The following PLEKHA5 variants were observed in gnomAD, a reference collection of about 807,000 sequenced individuals.
The protein encoded by PLEKHA5 is pleckstrin homology domain-containing family A member 5.
A neutral mutation model predicts 181.9 loss-of-function variants in PLEKHA5; 55 were observed. The observed-to-expected ratio is 0.30, with a 90% CI of 0.24 to 0.38. The LOEUF (loss-of-function observed/expected upper bound fraction) is 0.38, where lower values mean the gene tolerates loss of function less well. PLEKHA5 is among the 10% of genes least tolerant of loss of function. The probability of loss-of-function intolerance (pLI) is 1.00; values close to 1 mark genes in which losing one functional copy is unlikely to be tolerated. For missense variants in PLEKHA5, 1,432 were observed against 1,549.5 expected (o/e 0.92, Z 1.27); for synonymous variants, 535 against 529.4 (o/e 1.01, Z -0.15).
At chr12:19,360,470 A>G (rs1366483434) in intron 28 of PLEKHA5, among the ~76,000 whole-genome samples, 1 of 151,800 alleles carries the variant, frequency 6.6e-6, no homozygotes, top group African/African-American at 2.4e-5. Context: ...AGCCAGGCAC[A>G]GTGACACATG....
At chr12:19,253,106 G>C (rs1226472296) in intron 3 of PLEKHA5, among the ~76,000 whole-genome samples, 1 of 58,926 alleles carries the variant, frequency 1.7e-5, no homozygotes, top group Non-Finnish European at 4.2e-5. Flanking sequence ...ACAGAGGCTT[G>C]CTCTGTTGCC....
At chr12:19,171,740 T>A (rs2045939167) in intron 3 of PLEKHA5, among the ~76,000 whole-genome samples, 2 of 152,222 alleles carry the variant, frequency 1.3e-5, no homozygotes, top group Non-Finnish European at 2.9e-5. Context: ...ACAAACACGT[T>A]GCACAACTAC....
intron 3 of PLEKHA5, among the ~76,000 whole-genome samples, chr12:19,216,108 T>C (rs1281690561): frequency 6.6e-6 from 1 of 152,210 alleles, no homozygotes; most frequent in African/African-American, 2.4e-5. Context: ...GTTACCATGC[T>C]GTCAGAAAGA....
At chr12:19,194,312 T>G (rs1341132398) in intron 3 of PLEKHA5, among the ~76,000 whole-genome samples, 1 of 152,230 alleles carries the variant, frequency 6.6e-6, no homozygotes, top group Non-Finnish European at 1.5e-5. Context: ...TATTCCACTG[T>G]GTATATGCAC....
At chr12:19,336,463 A>C in intron 20 of PLEKHA5, 52 bp from the exon 21 acceptor site, 1 of 922,188 alleles carries the variant, frequency 1.1e-6, no homozygotes, top group Non-Finnish European at 1.8e-6. Context: ...GAGTGATAAC[A>C]CCATAAAAGC....
At chr12:19,187,563 G>A (rs888259216) in intron 3 of PLEKHA5, among the ~76,000 whole-genome samples, 1 of 152,154 alleles carries the variant, frequency 6.6e-6, no homozygotes, top group Non-Finnish European at 1.5e-5. Context: ...GCAAGAGAAA[G>A]CAAAGAGAAG....
intron 22 of PLEKHA5, among the ~76,000 whole-genome samples, chr12:19,344,494 A>T (rs2094175006): frequency 6.6e-6 from 1 of 152,208 alleles, no homozygotes; most frequent in South Asian, 2.1e-4. Flanking sequence ...TTGATGGATA[A>T]TGTATGTTGT....
chr12:19,301,683 A>G (rs531325450), intron 15 of PLEKHA5, among the ~76,000 whole-genome samples: 2 of 152,358 alleles, frequency 1.3e-5, no homozygotes, highest in Admixed American at 6.5e-5. Context: ...GTTGATTCTT[A>G]TGACTATATA....
intron 11 of PLEKHA5, among the ~76,000 whole-genome samples, chr12:19,281,018 A>C (rs547507133): frequency 6.6e-6 from 1 of 152,206 alleles, no homozygotes; most frequent in South Asian, 2.1e-4. Context: ...GCCTAATCTT[A>C]CTTTTTCTAA....
intron 4 of PLEKHA5, 79 bp from the exon 5 acceptor site, chr12:19,254,966 A>G (rs2066456105): frequency 8.0e-7 from 1 of 1,242,950 alleles, no homozygotes; most frequent in South Asian, 1.9e-5. Context: ...GGACACTCGC[A>G]TTGTTAACTG....
In PLEKHA5 at chr12:19,255,141, G is replaced by A. The variant is rs537006767; in HGVS notation, c.408G>A (p.Val136=). The change falls in exon 5 of 32, where the codon GTG becomes GTA. Residue 136 remains valine, a synonymous_variant. Coordinates refer to ENST00000429027, the MANE Select transcript of PLEKHA5 (RefSeq NM_001256470.2). ...SNYNVTSDYA[V]HPMSPVGRTS... Reference sequence around the variant, plus strand: ...ATAACGTGACTTCAGATTATGCAGTGCATCCAATGAGCCCTGTAGGCAGAG... The same window carrying A: ...ATAACGTGACTTCAGATTATGCAGTACATCCAATGAGCCCTGTAGGCAGAG... The A allele has an allele frequency of 1.2e-6, 2 of 1,603,782 alleles. No homozygotes were observed. The highest frequency in any genetic ancestry group is 2.2e-5 in the South Asian group (2 of 89,672).
Position 19,132,415 on chromosome 12 carries a change from A to G in PLEKHA5, c.192A>G (p.Glu64=). 1 of 1,555,422 alleles carries G rather than the reference A, an allele frequency of 6.4e-7. No individual in the cohort carries two copies. ...TAGATTTGCCTACTGGCTGGGAAGA[A>G]GCATATACTTTTGAAGGTGCAAGAT... ...QSTDLPTGWE[E]AYTFEGARYY... is the part of the protein sequence containing the mutation. The change falls in exon 3 of 32, where the codon GAA becomes GAG. Residue 64 remains glutamate, a synonymous_variant. Transcript: ENST00000429027.
intron 3 of PLEKHA5, among the ~76,000 whole-genome samples, chr12:19,141,384 C>T (rs920287017): frequency 6.6e-6 from 1 of 152,192 alleles, no homozygotes; most frequent in Admixed American, 6.5e-5. Context: ...CTGTCCTTAG[C>T]TAGAGCCAAG....
intron 15 of PLEKHA5, among the ~76,000 whole-genome samples, chr12:19,307,921 A>G (rs1402297593): frequency 1.3e-5 from 2 of 152,070 alleles, no homozygotes; most frequent in Non-Finnish European, 2.9e-5. Context: ...TCCCCTGGGA[A>G]ACATAAAAAG....
intron 11 of PLEKHA5, 140 bp from the exon 12 acceptor site, chr12:19,283,140 C>G (rs2076534649): frequency 2.3e-6 from 1 of 441,114 alleles, no homozygotes; most frequent in Admixed American, 5.8e-5. Flanking sequence ...GAGCGAGACT[C>G]TTGTCTCCCA....
At chr12:19,292,389 C>T (rs2078675960) in intron 15 of PLEKHA5, among the ~76,000 whole-genome samples, 1 of 152,004 alleles carries the variant, frequency 6.6e-6, no homozygotes, top group South Asian at 2.1e-4. Context: ...GCCTGGGCTA[C>T]AGCGCAAGAC....
chr12:19,343,261 A>C (rs931637215), intron 21 of PLEKHA5, 62 bp from the exon 22 acceptor site: 2 of 862,266 alleles, frequency 2.3e-6, no homozygotes, highest in Non-Finnish European at 3.6e-6. Context: ...TTAATATATA[A>C]TCATTTAACT....
chr12:19,194,342 C>G (rs2052088023), intron 3 of PLEKHA5, among the ~76,000 whole-genome samples: 1 of 152,164 alleles, frequency 6.6e-6, no homozygotes, highest in Admixed American at 6.5e-5. Flanking sequence ...ATCCAGTCCT[C>G]CACTGATGGA....
At chr12:19,298,408 CTTT>C (rs533661916) in intron 15 of PLEKHA5, among the ~76,000 whole-genome samples, 1 of 106,328 alleles carries the variant, frequency 9.4e-6, no homozygotes, top group East Asian at 2.8e-4. Flanking sequence ...ATTTTTTTAG[CTTT>C]TTTTTTTTTT....
Sources: gnomAD v4.1 joint callset for allele counts (sites outside exome capture counted in the v4.1 genomes callset) on GRCh38, gnomAD v4.1.1 for gene constraint, MANE v1.5 for transcripts, NCBI Gene and HGNC (gene_info 2026-07-23, HGNC 2026-07-21) for gene names.